The following DDAH1 variants were observed in gnomAD, a reference collection of about 807,000 sequenced individuals.
DDAH1 encodes the protein N(G),N(G)-dimethylarginine dimethylaminohydrolase 1.
A neutral mutation model predicts 28.8 loss-of-function variants in DDAH1; 19 were observed. The observed-to-expected ratio is 0.66, with a 90% CI of 0.46 to 0.97. The LOEUF is 0.97. Among genes scored for constraint, DDAH1 ranks in the 50% least tolerant of loss-of-function variants. DDAH1 has a pLI of 0.00. For missense variants in DDAH1, 326 were observed against 375.9 expected, an observed-to-expected ratio of 0.87 and a Z score of 1.10; for synonymous variants, 153 against 154.4, an observed-to-expected ratio of 0.99 and a Z score of 0.07.
At chr1:85,341,742 G>C (rs927001108) in intron 4 of DDAH1, among the ~76,000 whole-genome samples, 1 of 152,132 alleles carries the variant, frequency 6.6e-6, no homozygotes, top group Non-Finnish European at 1.5e-5. Context: ...GAACCCGGGA[G>C]GTGGAGCTTG....
chr1:85,517,608 G>A (rs557882653), intron 1 of DDAH1, among the ~76,000 whole-genome samples: 108 of 152,242 alleles, frequency 7.1e-4, no homozygotes, highest in Non-Finnish European at 1.1e-3. Flanking sequence ...AGCAAAGGAA[G>A]TCCTTTCCCC....
intron 1 of DDAH1, among the ~76,000 whole-genome samples, chr1:85,573,337 C>G (rs1351634673): frequency 6.6e-6 from 1 of 152,188 alleles, no homozygotes; most frequent in Admixed American, 6.5e-5. Flanking sequence ...ACAGGTATCT[C>G]CAGAAATAAA....
At chr1:85,551,755 C>T (rs1658798572) in intron 1 of DDAH1, among the ~76,000 whole-genome samples, 7 of 152,182 alleles carry the variant, frequency 4.6e-5, no homozygotes, top group Admixed American at 4.6e-4. Context: ...GCCTATGCAT[C>T]GTGCTTCACA....
At chr1:85,475,686 T>C (rs1472637013) in intron 2 of DDAH1, among the ~76,000 whole-genome samples, 3 of 152,176 alleles carry the variant, frequency 2.0e-5, no homozygotes, top group South Asian at 2.1e-4. Flanking sequence ...TATAAAATTA[T>C]AGAGGGCTTC....
At position 85,485,075 on chromosome 1, in the gene DDAH1, C is replaced by A. The variant is rs142103063; in HGVS notation, c.-7+11091G>T. On this transcript the variant is annotated intron_variant, in intron 2 of 6. Transcript: ENST00000426972. ...GTTAAACTCACATTACATCAGCATG[C>A]TATAGATTCCCATCTTCATCACACT... Among the ~76,000 whole-genome samples the A allele has an allele frequency of 1.3e-5, 2 of 152,290 alleles. 1 individual carries two copies. Among genetic ancestry groups the A allele is most frequent in the East Asian group, 3.9e-4 (2 of 5,184 alleles).
At chr1:85,546,030 T>C (rs1187012290) in intron 1 of DDAH1, among the ~76,000 whole-genome samples, 1 of 152,140 alleles carries the variant, frequency 6.6e-6, no homozygotes, top group Non-Finnish European at 1.5e-5. Context: ...TCTGCGGTGG[T>C]TGTGAAGATT....
chr1:85,424,626 T>C (rs888522535), intron 1 of DDAH1, among the ~76,000 whole-genome samples: 1 of 152,060 alleles, frequency 6.6e-6, no homozygotes, highest in African/African-American at 2.4e-5. Context: ...CATTATCTCC[T>C]TCCTTTTTAG....
chr1:85,506,464 G>T (rs1570619734), intron 1 of DDAH1, among the ~76,000 whole-genome samples: 1 of 152,264 alleles, frequency 6.6e-6, no homozygotes, highest in African/African-American at 2.4e-5. Flanking sequence ...TGGAAACAAA[G>T]ATTTCACACT....
chr1:85,344,613 C>T (rs1483203973), intron 4 of DDAH1, among the ~76,000 whole-genome samples: 1 of 147,632 alleles, frequency 6.8e-6, no homozygotes, highest in African/African-American at 2.5e-5. Flanking sequence ...TCTTTCCTTC[C>T]TTAAGAAAAT....
chr1:85,433,404 G>A (rs545253060), intron 1 of DDAH1, among the ~76,000 whole-genome samples: 2 of 152,188 alleles, frequency 1.3e-5, no homozygotes, highest in African/African-American at 4.8e-5. Context: ...TCAAGTATGT[G>A]GTTGCCATCT....
intron 1 of DDAH1, among the ~76,000 whole-genome samples, chr1:85,523,595 A>C (rs1345821353): frequency 6.6e-6 from 1 of 151,970 alleles, no homozygotes; most frequent in African/African-American, 2.4e-5. Context: ...GCCTGGAGCA[A>C]GGGATTTAAC....
chr1:85,528,583 A>T (rs1397290938), intron 1 of DDAH1, among the ~76,000 whole-genome samples: 1 of 151,948 alleles, frequency 6.6e-6, no homozygotes, highest in East Asian at 1.9e-4. Flanking sequence ...GAAGACAGAC[A>T]TGCAATCCCT....
chr1:85,392,388 A>G (rs1168051645), intron 1 of DDAH1, among the ~76,000 whole-genome samples: 1 of 152,216 alleles, frequency 6.6e-6, no homozygotes, highest in Non-Finnish European at 1.5e-5. Flanking sequence ...TGAAGACTCT[A>G]TCTCCAGATA....
chr1:85,340,963 C>G (rs1648438508), intron 4 of DDAH1, among the ~76,000 whole-genome samples: 2 of 152,232 alleles, frequency 1.3e-5, no homozygotes, highest in African/African-American at 2.4e-5. Flanking sequence ...AACCACCACT[C>G]TTCTGTGCCA....
chr1:85,425,649 G>C (rs1183046491), intron 1 of DDAH1, among the ~76,000 whole-genome samples: 2 of 152,168 alleles, frequency 1.3e-5, no homozygotes, highest in South Asian at 2.1e-4. Context: ...CCGAGGATAA[G>C]AGAAGTTATT....
At chr1:85,534,834 C>T (rs1208489761) in intron 1 of DDAH1, among the ~76,000 whole-genome samples, 1 of 152,138 alleles carries the variant, frequency 6.6e-6, no homozygotes, top group Non-Finnish European at 1.5e-5. Context: ...CCCTCTGCCT[C>T]TTTTCTCCAT....
At chr1:85,518,669 T>G (rs1157250090) in intron 1 of DDAH1, among the ~76,000 whole-genome samples, 26 of 152,210 alleles carry the variant, frequency 1.7e-4, no homozygotes, top group Admixed American at 1.5e-3. Flanking sequence ...TGCACCTAGA[T>G]AGTCCAGCAT....
chr1:85,318,932 A>G lies in DDAH1; in HGVS notation c.*2520T>C, dbSNP rs1039081119. 1 of 152,228 alleles carries G rather than the reference A, an allele frequency of 6.6e-6. No homozygotes were observed. The highest frequency in any genetic ancestry group is 1.5e-5 in the Non-Finnish European group (1 of 68,048). 9.4% of individuals were successfully genotyped at this position (152,228 alleles called of 1,614,324 possible). A position where few individuals can be genotyped will look rare whatever the true frequency, so the allele number is the denominator to read the frequency against. ...TAATGCTAAATAATGTATTTTCTCT[A>G]TATCATCCTTTAACTAAATTGAATC... On this transcript the variant is annotated 3_prime_UTR_variant, in exon 6 of 6. Transcript: ENST00000284031.
rs183631211 is a variant in DDAH1 at position 85,327,783 on chromosome 1, C to A, written c.598-2900G>T. On this transcript the variant is annotated intron_variant, in intron 4 of 5. Coordinates refer to ENST00000284031, the MANE Select transcript of DDAH1 (RefSeq NM_012137.4). ...AACTCTGAAGATTATTTAAAAAAAA[C>A]CCCAAAACAGATAATGTACATAAAA... is the stretch of plus-strand genomic sequence containing the variant. Among the ~76,000 whole-genome samples, 11 of 152,248 alleles carry A rather than the reference C, an allele frequency of 7.2e-5. No individual in the cohort carries two copies. The East Asian group carries it at 7.7e-4, about 11-fold the overall frequency.
Sources: gnomAD v4.1 joint callset for allele counts (sites outside exome capture counted in the v4.1 genomes callset) on GRCh38, gnomAD v4.1.1 for gene constraint, MANE v1.5 for transcripts, NCBI Gene and HGNC (gene_info 2026-07-23, HGNC 2026-07-21) for gene names.